Variants in KATNA1 observed in about 807,000 individuals in gnomAD.
KATNA1 encodes the protein katanin p60 ATPase-containing subunit A1.
A neutral mutation model predicts 62.6 loss-of-function variants in KATNA1; 42 were observed. The observed-to-expected ratio is 0.67, with a 90% CI of 0.52 to 0.87. KATNA1 has a LOEUF of 0.87. Ranked by LOEUF, KATNA1 falls within the 40% of genes least tolerant of loss-of-function variation. The pLI, the probability that KATNA1 is intolerant of heterozygous loss-of-function variation, is 0.00. For synonymous variants in KATNA1, 186 were observed against 201.9 expected (o/e 0.92, Z 0.67); for missense variants, 498 against 612.5 (o/e 0.81, Z 1.97).
rs757117331 is a variant in KATNA1, at chr6:149,601,587, CA to C, written c.888+6del. On this transcript the variant is annotated splice_donor_region_variant and intron_variant, in intron 7 of 10. Coordinates refer to ENST00000367411, the MANE Select transcript of KATNA1 (RefSeq NM_007044.4). ...AAAGAATCATTAGAGCTGTCTCAAA[CA>C]TTCACCATTTCAAACAGAAGACGAA... The C allele has an allele frequency of 2.4e-5, 39 of 1,597,410 alleles. No homozygotes were observed. Among genetic ancestry groups the C allele is most frequent in the Non-Finnish European group, 3.2e-5 (38 of 1,172,880 alleles).
At chr6:149,616,290 T>C (rs187541410) in intron 4 of KATNA1, among the ~76,000 whole-genome samples, 220 of 152,212 alleles carry the variant, frequency 1.4e-3, no homozygotes, top group African/African-American at 5.1e-3. Flanking sequence ...AACTATATGA[T>C]TGGGAAAATG....
At chr6:149,625,166 A>C (rs1779559775) in intron 3 of KATNA1, among the ~76,000 whole-genome samples, 1 of 152,194 alleles carries the variant, frequency 6.6e-6, no homozygotes, top group African/African-American at 2.4e-5. Context: ...AACTGCCAAC[A>C]AGGATCCACT....
chr6:149,631,574 A>AC (rs397966957), intron 3 of KATNA1: 4 of 149,332 alleles, frequency 2.7e-5, no homozygotes, highest in Admixed American at 6.7e-5. Context: ...CAAAAAAAAA[A>AC]CAAAAAAAAA....
chr6:149,612,697 A>G (rs1779006991), intron 4 of KATNA1, among the ~76,000 whole-genome samples: 1 of 152,186 alleles, frequency 6.6e-6, no homozygotes, highest in Non-Finnish European at 1.5e-5. Flanking sequence ...TACAGATGCA[A>G]AAATTGTTAA....
chr6:149,601,849 A>G (rs1778556812), intron 6 of KATNA1, 97 bp from the exon 7 acceptor site: 2 of 813,900 alleles, frequency 2.5e-6, no homozygotes, highest in South Asian at 3.5e-5. Flanking sequence ...ACCAACTTAT[A>G]TATAATATCA....
intron 3 of KATNA1, among the ~76,000 whole-genome samples, chr6:149,627,753 A>G (rs976838883): frequency 7.4e-4 from 112 of 151,824 alleles, no homozygotes; most frequent in African/African-American, 2.6e-3. Flanking sequence ...TCAGAGACAG[A>G]CTTTCTGAGG....
chr6:149,630,553 G>A (rs779904246), intron 3 of KATNA1, among the ~76,000 whole-genome samples: 5 of 152,128 alleles, frequency 3.3e-5, no homozygotes, highest in East Asian at 1.9e-4. Flanking sequence ...TGCTTGAACC[G>A]GGAGGCGGAG....
chr6:149,632,049 T>A (rs1340051856), intron 3 of KATNA1, among the ~76,000 whole-genome samples: 1 of 152,228 alleles, frequency 6.6e-6, no homozygotes, highest in African/African-American at 2.4e-5. Flanking sequence ...TATTCTGTGA[T>A]CCCTGTTTGA....
chr6:149,634,142 G>A (rs7381555), intron 2 of KATNA1, among the ~76,000 whole-genome samples: 67,535 of 150,452 alleles, frequency 0.45, 16,237 homozygotes, highest in East Asian at 0.81. Flanking sequence ...GTGTGGTGGC[G>A]GGCACCTGGA....
At chr6:149,623,601 G>C (rs1779495001) in intron 3 of KATNA1, among the ~76,000 whole-genome samples, 1 of 152,112 alleles carries the variant, frequency 6.6e-6, no homozygotes, top group African/African-American at 2.4e-5. Flanking sequence ...AGCCAGGCGT[G>C]GTGGTGTGCA....
intron 1 of KATNA1, among the ~76,000 whole-genome samples, chr6:149,646,953 C>G (rs1780508686): frequency 1.3e-5 from 2 of 152,150 alleles, no homozygotes; most frequent in African/African-American, 4.8e-5. Flanking sequence ...GTGAATTCAA[C>G]AAGATTCTCT....
intron 4 of KATNA1, among the ~76,000 whole-genome samples, chr6:149,617,856 A>C (rs1779229091): frequency 6.6e-6 from 1 of 151,820 alleles, no homozygotes; most frequent in Non-Finnish European, 1.5e-5. Context: ...GAATCGCTTG[A>C]ACCTGAGAGG....
chr6:149,626,318 G>A (rs1256512341), intron 3 of KATNA1, among the ~76,000 whole-genome samples: 1 of 46,356 alleles, frequency 2.2e-5, no homozygotes, highest in East Asian at 4.9e-3. Context: ...TTTTTGAGAC[G>A]GAGTCTCGTT....
chr6:149,641,800 A>G (rs1582813747), intron 1 of KATNA1, among the ~76,000 whole-genome samples: 1 of 152,260 alleles, frequency 6.6e-6, no homozygotes, highest in Non-Finnish European at 1.5e-5. Context: ...AGGACAGAGC[A>G]TAAAGGACAA....
Position 149,597,179 on chromosome 6 carries a change from C to T in KATNA1, c.1161G>A (p.Arg387=). The change falls in exon 10 of 11, where the codon AGG becomes AGA. Residue 387 remains arginine (R), a synonymous_variant. Coordinates refer to ENST00000367411, the MANE Select transcript of KATNA1 (RefSeq NM_007044.4). ...GTAGACTTATTCGTAATAGCTCCTC[C>T]CTGCCTTTTGCTAATGGTAGAAACA... The part of the protein sequence containing the change: ...IYIPLPSAKG[R]EELLRISLRE... 6.2e-7 allele frequency: 1 copy of T among 1,613,540 alleles called. No homozygotes were observed. Among genetic ancestry groups the T allele is most frequent in the Non-Finnish European group, 8.5e-7 (1 of 1,179,860 alleles).
rs1446363774 is a variant in KATNA1, at chr6:149,623,288, T to C, written c.321-5A>G. On this transcript the variant is annotated splice_polypyrimidine_tract_variant and splice_region_variant and intron_variant, in intron 3 of 10. Transcript: ENST00000367411. ...TTTCTAGGTCCTGGTGAGGGTCTAA[T>C]CAAACAAAAACTCATTAATATCATA... 3 of 1,580,952 alleles carry C rather than the reference T, an allele frequency of 1.9e-6. No individual in the cohort carries two copies. The highest frequency in any genetic ancestry group is 2.6e-6 in the Non-Finnish European group (3 of 1,169,120).
chr6:149,598,392 A>G, intron 7 of KATNA1, 42 bp from the exon 8 acceptor site: 1 of 1,596,282 alleles, frequency 6.3e-7, no homozygotes, highest in Non-Finnish European at 8.6e-7. Flanking sequence ...TTAAGCTATT[A>G]TTTCATTTTA....
chr6:149,630,719 T>C (rs1779797006), intron 3 of KATNA1, among the ~76,000 whole-genome samples: 1 of 152,170 alleles, frequency 6.6e-6, no homozygotes, highest in South Asian at 2.1e-4. Flanking sequence ...GTATGGGTCT[T>C]CTCAAAATGT....
intron 4 of KATNA1, among the ~76,000 whole-genome samples, chr6:149,607,382 G>T (rs193032122): frequency 1.3e-5 from 2 of 152,256 alleles, no homozygotes; most frequent in East Asian, 3.9e-4. Context: ...TAGGCTGAGG[G>T]GGGTGGATCA....
Sources: allele counts gnomAD v4.1 joint callset (sites outside exome capture counted in the v4.1 genomes callset), GRCh38; gene constraint gnomAD v4.1.1; transcripts MANE v1.5; gene names NCBI Gene and HGNC (gene_info 2026-07-23, HGNC 2026-07-21).